PSMA6: variants seen among roughly 807,000 people sequenced by gnomAD.
PSMA6 encodes the protein proteasome subunit alpha type-6.
For synonymous variants in PSMA6, 88 were observed against 97.7 expected (o/e 0.90, Z 0.59); for missense variants, 170 against 294.8 (o/e 0.58, Z 3.10).
chr14:35,297,134 T>TG (rs1209415983), intron 1 of PSMA6, among the ~76,000 whole-genome samples: 1 of 149,642 alleles, frequency 6.7e-6, no homozygotes, highest in Non-Finnish European at 1.5e-5. Flanking sequence ...TTTTTTTTTT[T>TG]TTTTTTTTTT....
At chr14:35,293,335 C>G (rs1187288059) in intron 1 of PSMA6, 1 of 233,116 alleles carries the variant, frequency 4.3e-6, no homozygotes, top group Non-Finnish European at 8.8e-6. Context: ...ATCAGTTACT[C>G]GGAATAGTAA....
intron 4 of PSMA6, 168 bp downstream of exon 4, chr14:35,311,063 C>T: frequency 1.6e-6 from 1 of 625,566 alleles, no homozygotes; most frequent in African/African-American, 1.9e-5. Flanking sequence ...GGTTTCACAA[C>T]AGTATGTCGG....
chr14:35,291,087 G>C (rs1468860489), upstream of PSMA6, among the ~76,000 whole-genome samples: 1 of 151,918 alleles, frequency 6.6e-6, no homozygotes, highest in South Asian at 2.1e-4. Flanking sequence ...GATCTCCTGG[G>C]CTCAAGCCAT....
chr14:35,317,287 C>G lies in PSMA6; in HGVS notation c.722C>G (p.Ala241Gly), dbSNP rs1236899326. The G allele has an allele frequency of 6.2e-7, 1 of 1,611,288 alleles. No individual in the cohort carries two copies. The highest frequency in any genetic ancestry group is 1.3e-5 in the African/African-American group (1 of 74,794). ...TEAEIDAHLV[A>G]LAERD ...GCAGAGATTGATGCTCACCTTGTTGCTCTAGCAGAGAGAGACTAAACATTG... is the reference window on the plus strand; with the variant it reads ...GCAGAGATTGATGCTCACCTTGTTGGTCTAGCAGAGAGAGACTAAACATTG... Residue 241 changes from alanine (A) to glycine (G), a missense_variant, in exon 7 of 7, where the codon GCT becomes GGT. Coordinates refer to ENST00000261479, the MANE Select transcript of PSMA6 (RefSeq NM_002791.3).
chr14:35,303,028 T>C (rs1397662324), intron 1 of PSMA6, among the ~76,000 whole-genome samples: 4 of 152,156 alleles, frequency 2.6e-5, no homozygotes, highest in African/African-American at 9.7e-5. Flanking sequence ...ATATTCCTGG[T>C]TTTTGTTGTT....
chr14:35,300,816 G>C (rs1020085953), intron 1 of PSMA6, among the ~76,000 whole-genome samples: 4 of 152,160 alleles, frequency 2.6e-5, no homozygotes, highest in African/African-American at 9.6e-5. Flanking sequence ...AAGGGCAGGA[G>C]GTTAGAGTCA....
At chr14:35,295,762 C>A (rs1416167050) in intron 1 of PSMA6, among the ~76,000 whole-genome samples, 1 of 152,152 alleles carries the variant, frequency 6.6e-6, no homozygotes, top group Admixed American at 6.5e-5. Context: ...TGAAATATTT[C>A]TCTTAATGTA....
chr14:35,299,645 T>C (rs2138727855), intron 1 of PSMA6, among the ~76,000 whole-genome samples: 1 of 152,284 alleles, frequency 6.6e-6, no homozygotes, highest in Admixed American at 6.5e-5. Context: ...TTGGCCTTCA[T>C]ATACCATAGG....
upstream of PSMA6, among the ~76,000 whole-genome samples, chr14:35,289,073 C>T (rs1197985345): frequency 6.6e-6 from 1 of 152,156 alleles, no homozygotes; most frequent in Non-Finnish European, 1.5e-5. Flanking sequence ...TTGGACACTC[C>T]TGGCTTGAGC....
At chr14:35,309,103 T>G in intron 3 of PSMA6, 108 bp downstream of exon 3, 1 of 823,282 alleles carries the variant, frequency 1.2e-6, no homozygotes, top group Non-Finnish European at 2.0e-6. Flanking sequence ...TGCCTGATTT[T>G]CAAGTGCCAT....
At chr14:35,302,141 A>G (rs1331781351) in intron 1 of PSMA6, among the ~76,000 whole-genome samples, 3 of 152,166 alleles carry the variant, frequency 2.0e-5, no homozygotes, top group Non-Finnish European at 4.4e-5. Context: ...GGACATAGAT[A>G]TATTTTGGGG....
upstream of PSMA6, among the ~76,000 whole-genome samples, chr14:35,291,484 T>G (rs2051479393): frequency 6.6e-6 from 1 of 151,810 alleles, no homozygotes; most frequent in South Asian, 2.1e-4. Flanking sequence ...TCTCCCAAAG[T>G]GCTGGGATTA....
intron 1 of PSMA6, among the ~76,000 whole-genome samples, chr14:35,279,494 T>C (rs2051342539): frequency 6.6e-6 from 1 of 152,246 alleles, no homozygotes; most frequent in Non-Finnish European, 1.5e-5. Flanking sequence ...GAAGGAAATC[T>C]GTGTTCACAG....
chr14:35,292,290 TTAG>T, upstream of PSMA6: 1 of 1,414,102 alleles, frequency 7.1e-7, no homozygotes, highest in Admixed American at 3.2e-5. Context: ...CACCACCCCC[TTAG>T]GGGGCGGGGC....
chr14:35,296,492 G>A (rs1325006882), intron 1 of PSMA6, among the ~76,000 whole-genome samples: 3 of 151,800 alleles, frequency 2.0e-5, no homozygotes, highest in East Asian at 1.9e-4. Context: ...CACCATGCCC[G>A]GCTAGTTTTT....
upstream of PSMA6, among the ~76,000 whole-genome samples, chr14:35,290,059 T>G (rs1010675101): frequency 1.3e-5 from 2 of 151,988 alleles, no homozygotes; most frequent in Non-Finnish European, 2.9e-5. Flanking sequence ...GGAATTCGCT[T>G]GAGAGGGAAT....
At chr14:35,300,956 G>A (rs757023063) in intron 1 of PSMA6, among the ~76,000 whole-genome samples, 42 of 152,124 alleles carry the variant, frequency 2.8e-4, no homozygotes, top group Non-Finnish European at 1.0e-4. Context: ...TGGCTAATAG[G>A]CATAGGTATT....
upstream of PSMA6, among the ~76,000 whole-genome samples, chr14:35,289,540 A>G (rs1158689087): frequency 6.6e-6 from 1 of 152,018 alleles, no homozygotes; most frequent in Non-Finnish European, 1.5e-5. Flanking sequence ...AGGTTTCACC[A>G]TGTTCGCCAG....
At position 35,309,076 on chromosome 14, in the gene PSMA6, A is replaced by G. The variant is rs891115798; in HGVS notation, c.253+81A>G. On this transcript the variant is annotated intron_variant, in intron 3 of 6. Coordinates refer to ENST00000261479, the MANE Select transcript of PSMA6 (RefSeq NM_002791.3). ...TTCTTCAAATTATTTTGAGTTTTGT[A>G]TTAATTTTAAACTTATTGCCTGATT... 2.7e-6 allele frequency: 3 copies of G among 1,128,866 alleles called. No homozygotes were observed. The African/African-American group carries it at 4.7e-5, about 18-fold the overall frequency. 69.9% of individuals were successfully genotyped at this position (1,128,866 alleles called of 1,614,324 possible).
Sources: gnomAD v4.1 joint callset for allele counts (sites outside exome capture counted in the v4.1 genomes callset) on GRCh38, gnomAD v4.1.1 for gene constraint, MANE v1.5 for transcripts, NCBI Gene and HGNC (gene_info 2026-07-23, HGNC 2026-07-21) for gene names.